SCNN1A: variants seen among roughly 807,000 people sequenced by gnomAD.
The protein encoded by SCNN1A is sodium channel epithelial 1 subunit alpha.
A neutral mutation model predicts 68.6 loss-of-function variants in SCNN1A; 65 were observed. The observed-to-expected ratio is 0.95, with a 90% CI of 0.78 to 1.16. SCNN1A has a LOEUF of 1.16. Ranked by LOEUF, SCNN1A falls within the 50% of genes most tolerant of loss-of-function variation. The probability of loss-of-function intolerance (pLI) is 0.00; values close to 1 mark genes in which losing one functional copy is unlikely to be tolerated. For synonymous variants in SCNN1A, 357 were observed against 353.3 expected, an observed-to-expected ratio of 1.01 and a Z score of -0.12; for missense variants, 880 against 865.9, an observed-to-expected ratio of 1.02 and a Z score of -0.20.
chr12:6,353,417 C>G (rs1359002028), intron 8 of SCNN1A, among the ~76,000 whole-genome samples: 1 of 151,884 alleles, frequency 6.6e-6, no homozygotes, highest in African/African-American at 2.4e-5. Flanking sequence ...TGTACCCCAC[C>G]CAGCCCCTCC....
At chr12:6,377,217 T>G, upstream of SCNN1A, 2 of 1,535,804 alleles carry the variant, frequency 1.3e-6, no homozygotes, top group Non-Finnish European at 1.8e-6. Context: ...AAAGCCGGTG[T>G]CAACCAGGAT....
intron 7 of SCNN1A, 71 bp downstream of exon 7, chr12:6,354,679 C>T (rs1043986903): frequency 6.9e-6 from 10 of 1,458,438 alleles, no homozygotes; most frequent in Admixed American, 1.7e-5. Flanking sequence ...CATACACAAC[C>T]CCTCCAGCTT....
At chr12:6,370,795 ACTCCTGGC>A (rs891401506) in intron 2 of SCNN1A, among the ~76,000 whole-genome samples, 1 of 150,976 alleles carries the variant, frequency 6.6e-6, no homozygotes, top group Non-Finnish European at 1.5e-5. Flanking sequence ...TGCTTCACCC[ACTCCTGGC>A]CTCCTGCTGT....
Position 6,355,826 on chromosome 12 carries a change from G to T in SCNN1A, c.930C>A (p.Asp310Glu), listed in dbSNP as rs946745034. ...ACATCCAGAGGTTGGAGTTGTTCTTGTCATTGAAAGTATAGCAGTTTCCAT... is the reference window on the plus strand; with the variant it reads ...ACATCCAGAGGTTGGAGTTGTTCTTTTCATTGAAAGTATAGCAGTTTCCAT... ...PMYGNCYTFNDKNNSNLWMSS... is the reference protein window; with the variant it reads ...PMYGNCYTFNEKNNSNLWMSS... Residue 310 changes from aspartate to glutamate, a missense_variant, in exon 5 of 13, where the codon GAC becomes GAA. This residue lies in a region of SCNN1A where 758 missense variants were observed against 721.8 expected (regional missense o/e 1.05). Coordinates refer to ENST00000228916, the MANE Select transcript of SCNN1A (RefSeq NM_001038.6). 2 of 1,613,636 alleles carry T rather than the reference G, an allele frequency of 1.2e-6. No homozygotes were observed. Among genetic ancestry groups the T allele is most frequent in the Admixed American group, 1.7e-5 (1 of 60,006 alleles).
chr12:6,356,202 T>C (rs1224746269), intron 4 of SCNN1A: 5 of 413,096 alleles, frequency 1.2e-5, no homozygotes, highest in Non-Finnish European at 2.3e-5. Flanking sequence ...CCAGGCCATC[T>C]GGGTTCACCG....
chr12:6,358,147 A>G (rs939057127), intron 4 of SCNN1A, among the ~76,000 whole-genome samples: 2 of 152,252 alleles, frequency 1.3e-5, no homozygotes, highest in Non-Finnish European at 1.5e-5. Flanking sequence ...TGGGGATAAT[A>G]AAAATATCAA....
rs983949899 is a variant in SCNN1A, at chr12:6,354,755, G to A, written c.1237C>T (p.Gln413Ter). ...GGAATCAGGTTGGGCCTCACCTGCT[G>A]TGTGTACTTTGAAGGGTAAAGGTTC... Reference protein sequence around the residue: ...VENLYPSKYTQQVCIHSCFQE... With the variant: ...VENLYPSKYT The change falls in exon 7 of 13, where the codon CAG (glutamine) becomes TAG (stop). Residue 413 changes from glutamine (Q) to a stop codon, truncating the protein, a stop_gained. Transcript: ENST00000228916. LOFTEE classifies it high-confidence loss of function. 1 of 1,613,314 alleles carries A rather than the reference G, an allele frequency of 6.2e-7. No homozygotes were observed. The highest frequency in any genetic ancestry group is 2.2e-5 in the East Asian group (1 of 44,858).
In SCNN1A at chr12:6,363,458, C is replaced by T. The variant is rs767436357; in HGVS notation, c.669G>A (p.Lys223=). 1.3e-6 allele frequency: 2 copies of T among 1,594,674 alleles called. No homozygotes were observed. The highest frequency in any genetic ancestry group is 2.3e-5 in the East Asian group (1 of 43,916). Residue 223 remains lysine (K), a synonymous_variant, in exon 3 of 13, where the codon AAG becomes AAA. Coordinates refer to ENST00000228916, the MANE Select transcript of SCNN1A (RefSeq NM_001038.6). The part of the protein sequence containing the change: ...NNPQVDWKDW[K]IGFQLCNQNK... ...CGGGCCTCACCAGCTGGAAGCCGAT[C>T]TTCCAGTCCTTCCAGTCCACCTGGG...
intron 4 of SCNN1A, among the ~76,000 whole-genome samples, chr12:6,357,990 C>T (rs1948525780): frequency 1.3e-5 from 2 of 152,034 alleles, no homozygotes; most frequent in African/African-American, 4.8e-5. Flanking sequence ...AAGAGTGAAA[C>T]TCCGTCTCCA....
At position 6,374,855 on chromosome 12, in the gene SCNN1A, T is replaced by C. The variant is rs752338360; in HGVS notation, c.-54-18A>G. On this transcript the variant is annotated intron_variant, in intron 1 of 12. Transcript: ENST00000228916. This position sits in a 1 kb window ranked among gnomAD's most constrained non-coding sequence, Gnocchi z 6.2. ...TTGTTCCCCTTCATGAGCCCCGGAG[T>C]GGATTGGGGAGAGCAAGGGTCAGGG... is the stretch of plus-strand genomic sequence containing the variant. 1 of 1,613,742 alleles carries C rather than the reference T, an allele frequency of 6.2e-7. No individual in the cohort carries two copies. The highest frequency in any genetic ancestry group is 8.5e-7 in the Non-Finnish European group (1 of 1,179,936).
Position 6,348,814 on chromosome 12 carries a change from G to C in SCNN1A, c.1554-12C>G. Reference sequence around the variant, plus strand: ...TGGCCACTCCATTTCTTAGGTGTGGGGCAGAGGGTGGGAAGAAATGGTAGA... The same window carrying C: ...TGGCCACTCCATTTCTTAGGTGTGGCGCAGAGGGTGGGAAGAAATGGTAGA... On this transcript the variant is annotated splice_polypyrimidine_tract_variant and intron_variant, in intron 11 of 12. Coordinates refer to ENST00000228916, the MANE Select transcript of SCNN1A (RefSeq NM_001038.6). 2 of 1,612,970 alleles carry C rather than the reference G, an allele frequency of 1.2e-6. No homozygotes were observed. Among genetic ancestry groups the C allele is most frequent in the South Asian group, 1.1e-5 (1 of 91,044 alleles).
intron 8 of SCNN1A, among the ~76,000 whole-genome samples, chr12:6,352,853 G>A (rs2136860453): frequency 6.6e-6 from 1 of 152,374 alleles, no homozygotes; most frequent in South Asian, 2.1e-4. Context: ...AGGGATGGAC[G>A]CTGAACTCTG....
chr12:6,363,844 C>T, intron 2 of SCNN1A, 134 bp from the exon 3 acceptor site: 1 of 727,678 alleles, frequency 1.4e-6, no homozygotes, highest in South Asian at 2.3e-5. Context: ...CTGGGGTCGT[C>T]GTGGCGCCTC....
chr12:6,369,036 A>G (rs893785265), intron 2 of SCNN1A, among the ~76,000 whole-genome samples: 5 of 152,188 alleles, frequency 3.3e-5, no homozygotes, highest in Non-Finnish European at 7.3e-5. Context: ...TCTCAAGGTC[A>G]CACAGGAAGA....
intron 2 of SCNN1A, among the ~76,000 whole-genome samples, chr12:6,364,575 G>C (rs1328849456): frequency 6.6e-6 from 1 of 151,866 alleles, no homozygotes; most frequent in Non-Finnish European, 1.5e-5. Flanking sequence ...CTAACACGGT[G>C]AAACCCCGTC....
intron 2 of SCNN1A, among the ~76,000 whole-genome samples, chr12:6,367,696 C>G (rs1948703836): frequency 6.6e-6 from 1 of 152,156 alleles, no homozygotes; most frequent in African/African-American, 2.4e-5. Flanking sequence ...TGAGTGGGCA[C>G]TCAAGATTTG....
At chr12:6,369,146 T>A (rs1948732414) in intron 2 of SCNN1A, among the ~76,000 whole-genome samples, 1 of 152,020 alleles carries the variant, frequency 6.6e-6, no homozygotes, top group South Asian at 2.1e-4. Context: ...TTCTGCCTCC[T>A]GCCCCTCCCT....
In SCNN1A at chr12:6,346,909, C is replaced by G. The variant is rs72657531; in HGVS notation, c.*964G>C. ...GCTCCAAGCAGGATGATGGGCTAGACATGGAGCATACATAAACGGGCAAGA... is the reference window on the plus strand; with the variant it reads ...GCTCCAAGCAGGATGATGGGCTAGAGATGGAGCATACATAAACGGGCAAGA... On this transcript the variant is annotated 3_prime_UTR_variant, in exon 13 of 13. Transcript: ENST00000228916. 6.6e-6 allele frequency: 1 copy of G among 152,598 alleles called. No individual in the cohort carries two copies. 9.5% of individuals were successfully genotyped at this position (152,598 alleles called of 1,614,324 possible).
chr12:6,375,391 G>A (rs1948886918), intron 1 of SCNN1A, 114 bp downstream of exon 1: 2 of 1,490,242 alleles, frequency 1.3e-6, no homozygotes, highest in Admixed American at 2.2e-5. Context: ...CCCCAGGACT[G>A]CAGGGCTCCA....
Sources: gnomAD v4.1 joint callset for allele counts (sites outside exome capture counted in the v4.1 genomes callset) on GRCh38, gnomAD v4.1.1 for gene constraint, gnomAD v4.1.1 regional missense constraint, Gnocchi (gnomAD v3.1) non-coding constraint, MANE v1.5 for transcripts, NCBI Gene and HGNC (gene_info 2026-07-23, HGNC 2026-07-21) for gene names.